Variants in GABRB1 observed in about 807,000 individuals in gnomAD.
GABRB1 encodes the protein gamma-aminobutyric acid receptor subunit beta-1.
GABRB1 carries 17 observed loss-of-function variants against 51.6 expected under a neutral mutation model. That is an observed-to-expected ratio of 0.33 (90% CI 0.23 to 0.49). GABRB1 has a LOEUF of 0.49. Ranked by LOEUF, GABRB1 falls within the 20% of genes least tolerant of loss-of-function variation. GABRB1 has a pLI of 0.99. For missense variants in GABRB1, 410 were observed against 600.6 expected (o/e 0.68, Z 3.32); for synonymous variants, 247 against 218.9 (o/e 1.13, Z -1.14).
chr4:47,120,131 T>C (rs987774967), intron 3 of GABRB1, among the ~76,000 whole-genome samples: 6 of 152,158 alleles, frequency 3.9e-5, no homozygotes, highest in Admixed American at 2.6e-4. Flanking sequence ...AAGTTAATTA[T>C]ATAATTATAA....
intron 2 of GABRB1, among the ~76,000 whole-genome samples, 176 bp downstream of exon 2, chr4:47,032,181 G>C (rs1206892332): frequency 2.0e-5 from 3 of 147,560 alleles, no homozygotes; most frequent in Non-Finnish European, 3.0e-5. Context: ...CCAGTCTCAG[G>C]TGGATGAATC....
intron 3 of GABRB1, among the ~76,000 whole-genome samples, chr4:47,096,052 G>A (rs1055339845): frequency 4.6e-5 from 7 of 152,040 alleles, no homozygotes; most frequent in African/African-American, 7.2e-5. Context: ...AGTTGGAGAC[G>A]TACCTCCATA....
intron 5 of GABRB1, among the ~76,000 whole-genome samples, chr4:47,328,991 G>C (rs1725360082): frequency 6.6e-6 from 1 of 151,772 alleles, no homozygotes; most frequent in African/African-American, 2.4e-5. Context: ...ATTGTTCTGA[G>C]AAAATGGGAG....
At chr4:47,159,281 A>G (rs966836192) in intron 3 of GABRB1, among the ~76,000 whole-genome samples, 1 of 152,008 alleles carries the variant, frequency 6.6e-6, no homozygotes, top group Non-Finnish European at 1.5e-5. Flanking sequence ...GACTGTCTCT[A>G]AAAGAAAAGA....
At chr4:47,163,544 G>A (rs1357431796) in intron 4 of GABRB1, among the ~76,000 whole-genome samples, 1 of 151,960 alleles carries the variant, frequency 6.6e-6, no homozygotes, top group African/African-American at 2.4e-5. Flanking sequence ...CAAGAGTGGG[G>A]AGAAGGGGAG....
chr4:47,023,777 G>A (rs549930163), intron 1 of GABRB1, among the ~76,000 whole-genome samples: 18 of 151,866 alleles, frequency 1.2e-4, no homozygotes, highest in South Asian at 6.2e-4. Context: ...CATGTACCCC[G>A]CAGGTATATA....
intron 3 of GABRB1, among the ~76,000 whole-genome samples, chr4:47,092,161 CTTTCTTTTTT>C (rs1385515565): frequency 1.7e-3 from 118 of 68,210 alleles, no homozygotes; most frequent in African/African-American, 7.1e-3. Context: ...TTCTTTCTTT[CTTTCTTTTTT>C]TTTTTTTTTT....
chr4:47,186,208 T>C (rs1265329608), intron 4 of GABRB1, among the ~76,000 whole-genome samples: 4 of 140,950 alleles, frequency 2.8e-5, no homozygotes, highest in East Asian at 2.3e-4. Context: ...AGTCAAGGCA[T>C]GAATTGGTGG....
intron 3 of GABRB1, among the ~76,000 whole-genome samples, chr4:47,104,311 A>C (rs188152607): frequency 3.4e-3 from 517 of 151,804 alleles, no homozygotes; most frequent in Non-Finnish European, 5.4e-3. Context: ...TGTCTGCCTT[A>C]AGGATTTTGT....
chr4:47,006,416 A>G (rs933302504), intron 1 of GABRB1, among the ~76,000 whole-genome samples: 1 of 152,206 alleles, frequency 6.6e-6, no homozygotes, highest in African/African-American at 2.4e-5. Context: ...AAACTTTCCT[A>G]TAATGATCAT....
intron 4 of GABRB1, among the ~76,000 whole-genome samples, chr4:47,236,257 G>C (rs1721329576): frequency 6.6e-6 from 1 of 151,768 alleles, no homozygotes; most frequent in Non-Finnish European, 1.5e-5. Context: ...AAGACACTTT[G>C]CTATACATTA....
chr4:47,165,077 C>A (rs1198594348), intron 4 of GABRB1, among the ~76,000 whole-genome samples: 1 of 152,058 alleles, frequency 6.6e-6, no homozygotes, highest in Non-Finnish European at 1.5e-5. Context: ...GTGCCATGAG[C>A]CATTTACCTT....
intron 1 of GABRB1, among the ~76,000 whole-genome samples, chr4:47,025,124 A>T (rs750053847): frequency 6.7e-6 from 1 of 150,196 alleles, no homozygotes; most frequent in Non-Finnish European, 1.5e-5. Flanking sequence ...TGTATCTCAC[A>T]ATTTTTTTAT....
rs59905765 is a variant in GABRB1 at position 47,350,218 on chromosome 4, T to TAGAG, written c.544+30032_544+30035dup. On this transcript the variant is annotated intron_variant, in intron 5 of 8. Coordinates refer to ENST00000295454, the MANE Select transcript of GABRB1 (RefSeq NM_000812.4). Reference sequence around the variant, plus strand: ...ATATATATATATATATATATATATATAGAGAGAGAGAGAGAGAGAGAGAGA... The same window carrying TAGAG: ...ATATATATATATATATATATATATATAGAGAGAGAGAGAGAGAGAGAGAGAGAGA... Among the ~76,000 whole-genome samples, 500 of 56,592 alleles carry TAGAG rather than the reference T, an allele frequency of 8.8e-3. 11 individuals carry two copies. Among genetic ancestry groups the TAGAG allele is most frequent in the East Asian group, 0.014 (16 of 1,118 alleles). The allele number at this position is 56,592 out of a possible 152,430, so 37.1% of individuals were successfully genotyped here. A position where few individuals can be genotyped will look rare whatever the true frequency, so the allele number is the denominator to read the frequency against.
At chr4:47,107,052 A>T (rs1715000446) in intron 3 of GABRB1, among the ~76,000 whole-genome samples, 1 of 152,094 alleles carries the variant, frequency 6.6e-6, no homozygotes, top group South Asian at 2.1e-4. Context: ...AAACTCTGTC[A>T]CATCCTCTCT....
At chr4:47,175,379 C>G (rs889108886) in intron 4 of GABRB1, among the ~76,000 whole-genome samples, 1 of 152,002 alleles carries the variant, frequency 6.6e-6, no homozygotes, top group African/African-American at 2.4e-5. Context: ...TTAAAAGAGT[C>G]TGTTCCTTGT....
At chr4:46,999,132 C>T (rs1300338753) in intron 1 of GABRB1, among the ~76,000 whole-genome samples, 11 of 152,066 alleles carry the variant, frequency 7.2e-5, no homozygotes, top group Middle Eastern at 3.4e-3. Context: ...TATGCATTAC[C>T]GATAGTGCCC....
chr4:47,202,790 A>C (rs1226643421), intron 4 of GABRB1, among the ~76,000 whole-genome samples: 1 of 152,160 alleles, frequency 6.6e-6, no homozygotes, highest in Non-Finnish European at 1.5e-5. Context: ...CACATCTCTC[A>C]GAAGGCCTCA....
intron 8 of GABRB1, among the ~76,000 whole-genome samples, chr4:47,419,697 G>A (rs1729038206): frequency 6.6e-6 from 1 of 152,156 alleles, no homozygotes; most frequent in South Asian, 2.1e-4. Context: ...CAGTGCCTGA[G>A]GCATAGTAGG....
Sources: allele counts gnomAD v4.1 joint callset (sites outside exome capture counted in the v4.1 genomes callset), GRCh38; gene constraint gnomAD v4.1.1; transcripts MANE v1.5; gene names NCBI Gene and HGNC (gene_info 2026-07-23, HGNC 2026-07-21).